The following IFT25 variants were observed in gnomAD, a reference collection of about 807,000 sequenced individuals.
IFT25 encodes the protein intraflagellar transport protein 25 homolog.
the IFT25 span, among the ~76,000 whole-genome samples, chr1:53,918,448 G>C: frequency 2.6e-5 from 4 of 152,138 alleles, no homozygotes; most frequent in African/African-American, 9.7e-5. Context: ...AACTCCGAAG[G>C]GTCTCACATA....
At chr1:53,931,803 G>C in the IFT25 span, among the ~76,000 whole-genome samples, 1 of 151,922 alleles carries the variant, frequency 6.6e-6, no homozygotes, top group Non-Finnish European at 1.5e-5. Flanking sequence ...ATCAACTTTA[G>C]GCTTTATTAT....
At chr1:53,931,597 T>C in the IFT25 span, among the ~76,000 whole-genome samples, 4 of 152,364 alleles carry the variant, frequency 2.6e-5, no homozygotes, top group South Asian at 2.1e-4. Flanking sequence ...GTTATTTTTA[T>C]AGGTCGAGCT....
At chr1:53,914,769 TAGA>T in the IFT25 span, among the ~76,000 whole-genome samples, 1 of 152,148 alleles carries the variant, frequency 6.6e-6, no homozygotes, top group Non-Finnish European at 1.5e-5. Context: ...GAACATCACC[TAGA>T]AGGTGAAGCC....
the IFT25 span, among the ~76,000 whole-genome samples, chr1:53,932,290 C>T: frequency 6.6e-6 from 1 of 150,564 alleles, no homozygotes; most frequent in Non-Finnish European, 1.5e-5. Flanking sequence ...GCTGAGATTG[C>T]ACCACTGCAC....
chr1:53,920,003 T>G, the IFT25 span, among the ~76,000 whole-genome samples: 3 of 152,184 alleles, frequency 2.0e-5, no homozygotes, highest in African/African-American at 7.2e-5. Context: ...CTAGCTATGT[T>G]GCTCAGGCTG....
At chr1:53,945,139 C>T in the IFT25 span, among the ~76,000 whole-genome samples, 1 of 152,206 alleles carries the variant, frequency 6.6e-6, no homozygotes, top group Non-Finnish European at 1.5e-5. Context: ...CAGTTCAAGG[C>T]CCTAAAGCCT....
At chr1:53,923,750 ATATTAT>A in the IFT25 span, 4 of 596,136 alleles carry the variant, frequency 6.7e-6, no homozygotes, top group African/African-American at 5.7e-5. Context: ...CATTTAGCTT[ATATTAT>A]TATTGAGAAT....
At chr1:53,912,375 T>A in the IFT25 span, among the ~76,000 whole-genome samples, 1 of 152,202 alleles carries the variant, frequency 6.6e-6, no homozygotes, top group Non-Finnish European at 1.5e-5. Context: ...TGCAGAGTTA[T>A]GCAAAGATGG....
the IFT25 span, among the ~76,000 whole-genome samples, chr1:53,913,998 AC>A: frequency 6.6e-6 from 1 of 152,202 alleles, no homozygotes; most frequent in East Asian, 1.9e-4. Flanking sequence ...GTATTTTGTT[AC>A]AGCAGCTGGA....
the IFT25 span, among the ~76,000 whole-genome samples, chr1:53,935,171 G>A: frequency 6.6e-6 from 1 of 152,102 alleles, no homozygotes; most frequent in African/African-American, 2.4e-5. Context: ...AAAATTAGAC[G>A]GATGTGGTGG....
chr1:53,940,413 C>T, the IFT25 span, among the ~76,000 whole-genome samples: 139 of 151,682 alleles, frequency 9.2e-4, 1 homozygote, highest in East Asian at 3.5e-3. Flanking sequence ...TAAAAATACT[C>T]GATTAATTTG....
At chr1:53,921,032 G>C in the IFT25 span, among the ~76,000 whole-genome samples, 1 of 152,136 alleles carries the variant, frequency 6.6e-6, no homozygotes, top group Non-Finnish European at 1.5e-5. Context: ...AACTAGCCAG[G>C]CATGGCGTTA....
At chr1:53,912,975 T>C in the IFT25 span, among the ~76,000 whole-genome samples, 1 of 152,216 alleles carries the variant, frequency 6.6e-6, no homozygotes, top group African/African-American at 2.4e-5. Flanking sequence ...GTAGGTGTTG[T>C]TGGTGCTCTG....
At chr1:53,925,664 C>CAA in the IFT25 span, among the ~76,000 whole-genome samples, 11 of 81,510 alleles carry the variant, frequency 1.3e-4, no homozygotes, top group African/African-American at 3.8e-4. Context: ...GACTCAGTCT[C>CAA]AAAAAAAAAA....
the IFT25 span, among the ~76,000 whole-genome samples, chr1:53,920,026 T>A: frequency 6.6e-6 from 1 of 152,178 alleles, no homozygotes; most frequent in East Asian, 1.9e-4. Context: ...CTCGAACTTC[T>A]GAGCTTAAGC....
the IFT25 span, chr1:53,921,824 A>T: frequency 3.9e-6 from 4 of 1,034,090 alleles, no homozygotes; most frequent in South Asian, 1.3e-5. Context: ...AACTGTTAAC[A>T]AGCAGTTAGC....
At chr1:53,920,268 T>C in the IFT25 span, among the ~76,000 whole-genome samples, 1 of 152,228 alleles carries the variant, frequency 6.6e-6, no homozygotes, top group South Asian at 2.1e-4. Context: ...TTACATCCCA[T>C]GGAGTCCAAT....
the IFT25 span, among the ~76,000 whole-genome samples, chr1:53,915,235 A>G: frequency 6.6e-6 from 1 of 152,092 alleles, no homozygotes; most frequent in African/African-American, 2.4e-5. Context: ...AAGCAAAAAA[A>G]CCCCCTGCCT....
At chr1:53,934,366 A>G in the IFT25 span, among the ~76,000 whole-genome samples, 1 of 152,236 alleles carries the variant, frequency 6.6e-6, no homozygotes, top group African/African-American at 2.4e-5. Context: ...TTTGTGATGT[A>G]AAGTCAGCTG....
Sources: allele counts gnomAD v4.1 joint callset (sites outside exome capture counted in the v4.1 genomes callset), GRCh38; gene constraint gnomAD v4.1.1; transcripts MANE v1.5; gene names NCBI Gene and HGNC (gene_info 2026-07-23, HGNC 2026-07-21).